ROBO2: variants seen among roughly 807,000 people sequenced by gnomAD.
ROBO2 encodes the protein roundabout homolog 2.
Under a neutral mutation model 160.8 loss-of-function variants are expected in ROBO2, and 53 were observed. That is an observed-to-expected ratio of 0.33 (90% confidence interval 0.26 to 0.41). ROBO2 has a LOEUF of 0.41. Ranked by LOEUF, ROBO2 falls within the 10% of genes least tolerant of loss-of-function variation. The pLI is 1.00. For missense variants in ROBO2, 1,577 were observed against 1,722.4 expected, an observed-to-expected ratio of 0.92 and a Z score of 1.49; for synonymous variants, 664 against 611.7, an observed-to-expected ratio of 1.09 and a Z score of -1.26.
chr3:77,473,936 C>T (rs2083671264), intron 2 of ROBO2, among the ~76,000 whole-genome samples: 1 of 152,118 alleles, frequency 6.6e-6, no homozygotes, highest in Non-Finnish European at 1.5e-5. Context: ...CTCCAAACCC[C>T]CATCTCTCAA....
chr3:77,380,587 CT>C (rs2073311129), intron 2 of ROBO2, among the ~76,000 whole-genome samples: 1 of 152,022 alleles, frequency 6.6e-6, no homozygotes, highest in African/African-American at 2.4e-5. Context: ...GCTTTATTTT[CT>C]TATACAACAT....
chr3:77,147,924 G>T (rs796917847), intron 2 of ROBO2, among the ~76,000 whole-genome samples: 1 of 152,126 alleles, frequency 6.6e-6, no homozygotes, highest in Non-Finnish European at 1.5e-5. Flanking sequence ...GAATTTGGGG[G>T]ATACCTTGAA....
At chr3:75,990,830 G>T (rs2065545698) in intron 2 of ROBO2, among the ~76,000 whole-genome samples, 1 of 152,136 alleles carries the variant, frequency 6.6e-6, no homozygotes, top group African/African-American at 2.4e-5. Context: ...CATTATTTAT[G>T]AGTGTGTCTG....
chr3:77,560,707 A>T (rs908444481), intron 9 of ROBO2, among the ~76,000 whole-genome samples: 10 of 152,180 alleles, frequency 6.6e-5, no homozygotes, highest in African/African-American at 2.4e-4. Context: ...TCCAGCACTC[A>T]TTAAAATATA....
chr3:76,993,282 AAAT>A (rs1403018781), intron 2 of ROBO2, among the ~76,000 whole-genome samples: 2 of 152,190 alleles, frequency 1.3e-5, no homozygotes, highest in Non-Finnish European at 2.9e-5. Flanking sequence ...ATTGTTTAAA[AAAT>A]AATAAAATGT....
chr3:76,210,715 T>G (rs1559643883), intron 2 of ROBO2, among the ~76,000 whole-genome samples: 2 of 152,152 alleles, frequency 1.3e-5, no homozygotes, highest in African/African-American at 4.8e-5. Flanking sequence ...GTAGGCTGTG[T>G]GATTAATGTT....
chr3:76,190,950 A>G (rs1439660918), intron 2 of ROBO2, among the ~76,000 whole-genome samples: 1 of 152,144 alleles, frequency 6.6e-6, no homozygotes, highest in Non-Finnish European at 1.5e-5. Context: ...GTAGGCATTC[A>G]AAGGTTTTGC....
At chr3:77,486,617 G>GT (rs1191570772) in intron 4 of ROBO2, among the ~76,000 whole-genome samples, 2 of 151,922 alleles carry the variant, frequency 1.3e-5, no homozygotes, top group Admixed American at 6.6e-5. Context: ...GGGGTTGTTT[G>GT]TTTTTTCTTG....
intron 2 of ROBO2, among the ~76,000 whole-genome samples, chr3:77,476,203 TGGC>T (rs1431563202): frequency 6.6e-6 from 1 of 152,102 alleles, no homozygotes; most frequent in Non-Finnish European, 1.5e-5. Context: ...CCTACAGACT[TGGC>T]ACAACAAAGA....
At chr3:76,218,978 G>A (rs1249682000) in intron 2 of ROBO2, among the ~76,000 whole-genome samples, 7 of 152,144 alleles carry the variant, frequency 4.6e-5, no homozygotes, top group South Asian at 2.1e-4. Context: ...TAGATCAATG[G>A]AACAGAACAG....
At chr3:76,845,634 T>A (rs1260505074) in intron 2 of ROBO2, among the ~76,000 whole-genome samples, 1 of 152,028 alleles carries the variant, frequency 6.6e-6, no homozygotes, top group Non-Finnish European at 1.5e-5. Flanking sequence ...AGCCTGCCAA[T>A]ACATTGTGTA....
chr3:77,583,359 C>T (rs1266112439), intron 16 of ROBO2, among the ~76,000 whole-genome samples: 1 of 151,492 alleles, frequency 6.6e-6, no homozygotes, highest in African/African-American at 2.4e-5. Flanking sequence ...GATCACAGCC[C>T]TACTCTTTTC....
chr3:76,740,637 T>C (rs62261768), intron 2 of ROBO2, among the ~76,000 whole-genome samples: 6,477 of 152,194 alleles, frequency 0.043, 200 homozygotes, highest in Non-Finnish European at 0.069. Context: ...GACAGTGACA[T>C]TTTATATCTT....
intron 2 of ROBO2, among the ~76,000 whole-genome samples, chr3:76,940,171 A>G (rs1577667355): frequency 6.6e-6 from 1 of 151,798 alleles, no homozygotes; most frequent in Non-Finnish European, 1.5e-5. Context: ...TTTAGTAGAG[A>G]CGGGGTTTCA....
intron 2 of ROBO2, among the ~76,000 whole-genome samples, chr3:76,515,115 T>C (rs1269788530): frequency 1.3e-5 from 2 of 152,208 alleles, no homozygotes; most frequent in African/African-American, 4.8e-5. Context: ...GGATTAACTA[T>C]CTGTGTTCTA....
intron 2 of ROBO2, among the ~76,000 whole-genome samples, chr3:75,985,536 C>T (rs541477144): frequency 5.3e-5 from 8 of 151,642 alleles, no homozygotes; most frequent in Middle Eastern, 3.4e-3. Context: ...TTTTCAGCTG[C>T]ATAACAATCT....
At chr3:76,346,581 A>G (rs1053357591) in intron 2 of ROBO2, among the ~76,000 whole-genome samples, 2 of 152,138 alleles carry the variant, frequency 1.3e-5, no homozygotes, top group Admixed American at 6.6e-5. Flanking sequence ...AATGTGGGCA[A>G]TGTCTATTAA....
chr3:77,089,715 T>C (rs1396163419), intron 1 of ROBO2, among the ~76,000 whole-genome samples: 2 of 152,176 alleles, frequency 1.3e-5, no homozygotes, highest in African/African-American at 4.8e-5. Context: ...AAAATGGACT[T>C]CGTGTTTTCC....
intron 2 of ROBO2, among the ~76,000 whole-genome samples, chr3:76,017,731 G>C (rs1387792207): frequency 6.6e-6 from 1 of 151,938 alleles, no homozygotes; most frequent in Non-Finnish European, 1.5e-5. Flanking sequence ...AGAAATAAAA[G>C]TTTCTACATT....
Sources: gnomAD v4.1 joint callset for allele counts (sites outside exome capture counted in the v4.1 genomes callset) on GRCh38, gnomAD v4.1.1 for gene constraint, MANE v1.5 for transcripts, NCBI Gene and HGNC (gene_info 2026-07-23, HGNC 2026-07-21) for gene names.